YAF2: variants seen among roughly 807,000 people sequenced by gnomAD.
The protein encoded by YAF2 is YY1 associated factor 2, also known as YY1-associated factor 2.
A neutral mutation model predicts 20.1 loss-of-function variants in YAF2; 7 were observed. The observed-to-expected ratio is 0.35, with a 90% CI of 0.20 to 0.65. YAF2 has a LOEUF of 0.65. Ranked by LOEUF, YAF2 falls within the 30% of genes least tolerant of loss-of-function variation. The pLI, the probability that YAF2 is intolerant of heterozygous loss-of-function variation, is 0.69. For synonymous variants in YAF2, 74 were observed against 76.0 expected, an observed-to-expected ratio of 0.97 and a Z score of 0.14; for missense variants, 151 against 219.2, an observed-to-expected ratio of 0.69 and a Z score of 1.96.
At chr12:42,205,894 T>A (rs12370778) in intron 2 of YAF2, 149,602 of 407,326 alleles carry the variant, frequency 0.37, 28,756 homozygotes, top group South Asian at 0.46. Flanking sequence ...TGTGATTTAG[T>A]TCTAATTATT....
intron 2 of YAF2, chr12:42,235,500 C>A: frequency 7.9e-7 from 1 of 1,262,272 alleles, no homozygotes; most frequent in Non-Finnish European, 1.0e-6. Flanking sequence ...AGGAAAATAA[C>A]AGATAACAGA....
chr12:42,235,951 G>A (rs777363556), intron 2 of YAF2: 106 of 1,535,934 alleles, frequency 6.9e-5, no homozygotes, highest in Non-Finnish European at 8.7e-5. Context: ...CTAACCCCAA[G>A]ACTGGCTGTG....
intron 2 of YAF2, among the ~76,000 whole-genome samples, chr12:42,181,251 A>C (rs1400405041): frequency 6.6e-6 from 1 of 152,168 alleles, no homozygotes; most frequent in East Asian, 1.9e-4. Context: ...CTTCTTTGTG[A>C]TGTTCATTTT....
intron 2 of YAF2, among the ~76,000 whole-genome samples, chr12:42,194,895 T>C (rs1167736246): frequency 2.0e-5 from 3 of 152,242 alleles, no homozygotes; most frequent in African/African-American, 7.2e-5. Flanking sequence ...AACTCTCTAA[T>C]AGTTCACATG....
chr12:42,234,786 GAGAC>G, intron 2 of YAF2: 8 of 894,124 alleles, frequency 8.9e-6, no homozygotes, highest in Non-Finnish European at 1.1e-5. Flanking sequence ...TCAAGAGTTT[GAGAC>G]TAGCCTAGGC....
chr12:42,226,898 G>A (rs1363536074), intron 2 of YAF2, among the ~76,000 whole-genome samples: 1 of 150,368 alleles, frequency 6.7e-6, no homozygotes, highest in African/African-American at 2.4e-5. Flanking sequence ...CGCGGGCTGG[G>A]GTCGGTGGCT....
chr12:42,220,458 A>C (rs193191501), intron 2 of YAF2, among the ~76,000 whole-genome samples: 5 of 152,360 alleles, frequency 3.3e-5, no homozygotes, highest in Admixed American at 3.3e-4. Context: ...TTGGTGAAGT[A>C]AAGAATGAAG....
At chr12:42,165,553 T>C (rs2065893784) in intron 2 of YAF2, among the ~76,000 whole-genome samples, 1 of 151,216 alleles carries the variant, frequency 6.6e-6, no homozygotes, top group South Asian at 2.1e-4. Context: ...AAGCTCTGCC[T>C]CCTGGGTTCA....
At chr12:42,226,173 C>T (rs73281894) in intron 2 of YAF2, among the ~76,000 whole-genome samples, 3,502 of 152,240 alleles carry the variant, frequency 0.023, 130 homozygotes, top group African/African-American at 0.081. Context: ...ATACGCTGTA[C>T]ACTTTCACAG....
intron 2 of YAF2, among the ~76,000 whole-genome samples, chr12:42,228,981 T>TG (rs2067887108): frequency 1.8e-5 from 1 of 56,852 alleles, no homozygotes; most frequent in Non-Finnish European, 3.0e-5. Context: ...GCGGGAAAGG[T>TG]GGGGAAAAGA....
intron 2 of YAF2, among the ~76,000 whole-genome samples, chr12:42,218,824 T>A (rs562883357): frequency 1.3e-4 from 20 of 152,140 alleles, no homozygotes; most frequent in African/African-American, 4.8e-4. Context: ...CTTACTAATC[T>A]CGGTCCTTAA....
At chr12:42,223,367 C>T (rs561422665) in intron 2 of YAF2, among the ~76,000 whole-genome samples, 31 of 151,778 alleles carry the variant, frequency 2.0e-4, no homozygotes, top group African/African-American at 7.5e-4. Flanking sequence ...TATATATACA[C>T]ACAAACAAAA....
intron 2 of YAF2, among the ~76,000 whole-genome samples, chr12:42,188,540 C>T (rs961362718): frequency 6.6e-6 from 1 of 151,834 alleles, no homozygotes; most frequent in Non-Finnish European, 1.5e-5. Flanking sequence ...CATGCACTAC[C>T]ATGCCCACTA....
At chr12:42,205,973 C>A in intron 2 of YAF2, 1 of 351,408 alleles carries the variant, frequency 2.8e-6, no homozygotes, top group Non-Finnish European at 5.7e-6. Context: ...CTTCTCCACT[C>A]CTCTGTGTAT....
chr12:42,210,558 T>C (rs1318748724), intron 2 of YAF2: 25 of 1,535,924 alleles, frequency 1.6e-5, no homozygotes, highest in African/African-American at 2.7e-5. Flanking sequence ...CTTCCTGAAA[T>C]TGGAAATTTC....
intron 2 of YAF2, among the ~76,000 whole-genome samples, chr12:42,174,616 A>G (rs1045735596): frequency 6.6e-6 from 1 of 152,152 alleles, no homozygotes; most frequent in Non-Finnish European, 1.5e-5. Context: ...ACCTCTTAAA[A>G]ATGCAAATTC....
chr12:42,184,093 T>C (rs890465886), intron 2 of YAF2, among the ~76,000 whole-genome samples: 2 of 152,216 alleles, frequency 1.3e-5, no homozygotes, highest in Admixed American at 1.3e-4. Flanking sequence ...AAGACCTGAA[T>C]TTAAAATATT....
intron 2 of YAF2, among the ~76,000 whole-genome samples, chr12:42,228,183 T>G (rs1447829206): frequency 2.7e-5 from 2 of 73,584 alleles, no homozygotes; most frequent in Admixed American, 1.3e-4. Context: ...AGCCGCCCCG[T>G]CCGGGAGGGA....
Position 42,157,490 on chromosome 12 carries a change from G to A in YAF2, c.*3099C>T, listed in dbSNP as rs114275027. ...ACCATAGCAGGAAGTTTAAAAAAGC[G>A]AGTGGCGGAAGCCTCAGTGGAAACG... On this transcript the variant is annotated 3_prime_UTR_variant, in exon 4 of 4. Coordinates refer to ENST00000534854, the MANE Select transcript of YAF2 (RefSeq NM_005748.6). 6.6e-6 allele frequency: 1 copy of A among 152,188 alleles called. No individual in the cohort carries two copies. Among genetic ancestry groups the A allele is most frequent in the Admixed American group, 6.5e-5 (1 of 15,282 alleles). The allele number at this position is 152,188 out of a possible 1,614,324, so 9.4% of individuals were successfully genotyped here. A position where few individuals can be genotyped will look rare whatever the true frequency, so the allele number is the denominator to read the frequency against.
Sources: gnomAD v4.1 joint callset for allele counts (sites outside exome capture counted in the v4.1 genomes callset) on GRCh38, gnomAD v4.1.1 for gene constraint, MANE v1.5 for transcripts, NCBI Gene and HGNC (gene_info 2026-07-23, HGNC 2026-07-21) for gene names.